The following MSRA variants were observed in gnomAD, a reference collection of about 807,000 sequenced individuals.
MSRA encodes the protein methionine sulfoxide reductase A.
A neutral mutation model predicts 31.3 loss-of-function variants in MSRA; 54 were observed. The ratio of observed to expected loss-of-function variants is 1.73; its 90% CI spans 1.39 to 2.17. MSRA has a LOEUF of 2.17. Among genes scored for constraint, MSRA ranks in the 30% most tolerant of loss-of-function variants. The probability of loss-of-function intolerance (pLI) is 0.00; values close to 1 mark genes in which losing one functional copy is unlikely to be tolerated. For synonymous variants in MSRA, 169 were observed against 116.5 expected, an observed-to-expected ratio of 1.45 and a Z score of -2.90; for missense variants, 507 against 300.9, an observed-to-expected ratio of 1.69 and a Z score of -5.07.
At chr8:10,295,066 G>A (rs1293580003) in intron 3 of MSRA, among the ~76,000 whole-genome samples, 1 of 152,158 alleles carries the variant, frequency 6.6e-6, no homozygotes, top group African/African-American at 2.4e-5. Context: ...GCACTCCTGG[G>A]CGGCAGGACA....
At chr8:10,115,309 G>C (rs761356822) in intron 1 of MSRA, among the ~76,000 whole-genome samples, 5 of 152,240 alleles carry the variant, frequency 3.3e-5, no homozygotes, top group Admixed American at 6.5e-5. Flanking sequence ...GAATGGAAGA[G>C]AGACCAGCCT....
At position 10,312,062 on chromosome 8, in the gene MSRA, C is replaced by T. The variant is rs1413184075; in HGVS notation, c.437-7821C>T. ...CAGTTCTCAGAGGGACATATAGAGCCTTAAATTCATATATTAGAAGAGAAA... is the reference window on the plus strand; with the variant it reads ...CAGTTCTCAGAGGGACATATAGAGCTTTAAATTCATATATTAGAAGAGAAA... On this transcript the variant is annotated intron_variant, in intron 4 of 5. Coordinates refer to ENST00000317173, the MANE Select transcript of MSRA (RefSeq NM_012331.5). 3.3e-5 allele frequency among the ~76,000 whole-genome samples: 5 copies of T among 152,226 alleles called. No individual in the cohort carries two copies. The South Asian group carries it at 1.0e-3, about 32-fold the overall frequency.
chr8:10,421,412 C>G (rs1808803121), intron 5 of MSRA, among the ~76,000 whole-genome samples: 1 of 152,176 alleles, frequency 6.6e-6, no homozygotes, highest in South Asian at 2.1e-4. Flanking sequence ...ACTCTGGGCT[C>G]TGGGTCTCAA....
At chr8:10,082,913 G>T (rs773790207) in intron 1 of MSRA, among the ~76,000 whole-genome samples, 6 of 152,248 alleles carry the variant, frequency 3.9e-5, no homozygotes, top group African/African-American at 1.2e-4. Context: ...GCTCAGCACG[G>T]TGCTAATGGA....
intron 1 of MSRA, among the ~76,000 whole-genome samples, chr8:10,136,731 G>A (rs957579642): frequency 6.6e-6 from 1 of 152,188 alleles, no homozygotes; most frequent in Non-Finnish European, 1.5e-5. Context: ...GCCCACTCGG[G>A]GTCAGGGGTT....
At chr8:10,086,405 C>T (rs533910397) in intron 1 of MSRA, among the ~76,000 whole-genome samples, 56 of 152,198 alleles carry the variant, frequency 3.7e-4, no homozygotes, top group Non-Finnish European at 7.2e-4. Context: ...GAAGAAGCAC[C>T]GTTAAGTAGG....
chr8:10,078,792 T>C (rs1458445182), intron 1 of MSRA, among the ~76,000 whole-genome samples: 2 of 152,260 alleles, frequency 1.3e-5, no homozygotes, highest in Admixed American at 1.3e-4. Flanking sequence ...TCTATCTCCC[T>C]GTTTCTCTTT....
chr8:10,401,372 A>G (rs1162895753), intron 5 of MSRA, among the ~76,000 whole-genome samples: 1 of 152,228 alleles, frequency 6.6e-6, no homozygotes, highest in East Asian at 1.9e-4. Context: ...CTTCAGACCC[A>G]TTAGGACGGC....
intron 1 of MSRA, 28 bp from the exon 2 acceptor site, chr8:10,207,805 A>C (rs1173850752): frequency 1.3e-6 from 2 of 1,587,174 alleles, no homozygotes; most frequent in Non-Finnish European, 8.6e-7. Flanking sequence ...TTACACTTAA[A>C]CTTGCATTTC....
chr8:10,103,253 A>T (rs186535967), intron 1 of MSRA, among the ~76,000 whole-genome samples: 13 of 152,322 alleles, frequency 8.5e-5, no homozygotes, highest in Admixed American at 3.3e-4. Flanking sequence ...GAAGAAACAG[A>T]TTTGACTGAA....
chr8:10,090,363 A>G (rs907386961), intron 1 of MSRA, among the ~76,000 whole-genome samples: 1 of 152,130 alleles, frequency 6.6e-6, no homozygotes, highest in African/African-American at 2.4e-5. Flanking sequence ...TCAAAACAGT[A>G]AGGCACTAGA....
At chr8:10,216,331 A>G (rs1563228758) in intron 2 of MSRA, among the ~76,000 whole-genome samples, 1 of 152,236 alleles carries the variant, frequency 6.6e-6, no homozygotes, top group African/African-American at 2.4e-5. Flanking sequence ...CTTGCTCATA[A>G]ATTTGGCTCT....
intron 2 of MSRA, among the ~76,000 whole-genome samples, chr8:10,211,229 G>A (rs948603421): frequency 2.0e-5 from 3 of 152,140 alleles, no homozygotes; most frequent in Non-Finnish European, 4.4e-5. Flanking sequence ...AAAAATGCAT[G>A]AATGGTCATA....
intron 5 of MSRA, among the ~76,000 whole-genome samples, chr8:10,413,967 C>G (rs539718767): frequency 6.6e-6 from 1 of 152,206 alleles, no homozygotes; most frequent in Non-Finnish European, 1.5e-5. Flanking sequence ...GAGTTTGAGA[C>G]AGACCCAGGC....
chr8:10,118,833 C>T (rs1391639337), intron 1 of MSRA, among the ~76,000 whole-genome samples: 1 of 152,222 alleles, frequency 6.6e-6, no homozygotes, highest in Admixed American at 6.5e-5. Context: ...GAATTTGTCT[C>T]TAGGCTTGTG....
chr8:10,207,552 C>A (rs1809106715), intron 1 of MSRA, among the ~76,000 whole-genome samples: 1 of 152,162 alleles, frequency 6.6e-6, no homozygotes, highest in Admixed American at 6.5e-5. Flanking sequence ...GTGTCGGGAG[C>A]CTTCAGGCCC....
intron 3 of MSRA, among the ~76,000 whole-genome samples, chr8:10,298,819 A>G (rs1040518588): frequency 6.6e-6 from 1 of 152,170 alleles, no homozygotes; most frequent in Non-Finnish European, 1.5e-5. Context: ...TGTATTTCTT[A>G]TAAGTATTCT....
intron 5 of MSRA, among the ~76,000 whole-genome samples, chr8:10,352,362 G>T (rs980980756): frequency 6.6e-6 from 1 of 152,204 alleles, no homozygotes; most frequent in Non-Finnish European, 1.5e-5. Flanking sequence ...ATGCGAAGGG[G>T]AAAATCTAGT....
At chr8:10,073,103 T>G (rs1797823286) in intron 1 of MSRA, among the ~76,000 whole-genome samples, 1 of 152,050 alleles carries the variant, frequency 6.6e-6, no homozygotes, top group African/African-American at 2.4e-5. Context: ...GAACTTCCAG[T>G]ATTATGTTAA....
Sources: gnomAD v4.1 joint callset for allele counts (sites outside exome capture counted in the v4.1 genomes callset) on GRCh38, gnomAD v4.1.1 for gene constraint, MANE v1.5 for transcripts, NCBI Gene and HGNC (gene_info 2026-07-23, HGNC 2026-07-21) for gene names.